ITGA4: variants seen among roughly 807,000 people sequenced by gnomAD.
ITGA4 encodes integrin alpha-4.
Under a neutral mutation model 133.6 loss-of-function variants are expected in ITGA4, and 63 were observed. That is an observed-to-expected ratio of 0.47 (90% CI 0.38 to 0.58). ITGA4 has a LOEUF of 0.58. Ranked by LOEUF, ITGA4 falls within the 20% of genes least tolerant of loss-of-function variation. The pLI is 0.00. For missense variants in ITGA4, 1,076 were observed against 1,252.7 expected (o/e 0.86, Z 2.13); for synonymous variants, 483 against 438.0 (o/e 1.10, Z -1.28).
intron 22 of ITGA4, among the ~76,000 whole-genome samples, chr2:181,529,247 T>C (rs567660361): frequency 2.3e-5 from 3 of 133,254 alleles, no homozygotes; most frequent in East Asian, 2.6e-4. Context: ...CAAATATATA[T>C]TGTTTATGTC....
Position 181,523,199 on chromosome 2 carries a change from TACAC to T in ITGA4, c.2074-232_2074-229del, listed in dbSNP as rs1023998876. On this transcript the variant is annotated intron_variant, in intron 18 of 27. Transcript: ENST00000397033. The surrounding 1 kb of genome is among the most constrained non-coding windows in gnomAD (Gnocchi z 4.2). ...ACACACATACACATACACATATATA[TACAC>T]ACACATATATACACACATATATACA... 124 of 323,140 alleles carry T rather than the reference TACAC, an allele frequency of 3.8e-4. No individual in the cohort carries two copies. Among genetic ancestry groups the T allele is most frequent in the Middle Eastern group, 3.0e-3 (3 of 1,016 alleles). 20.0% of individuals were successfully genotyped at this position (323,140 alleles called of 1,614,324 possible).
chr2:181,482,122 C>A (rs886695096), intron 7 of ITGA4, among the ~76,000 whole-genome samples: 17 of 152,266 alleles, frequency 1.1e-4, no homozygotes, highest in Middle Eastern at 6.8e-3. Flanking sequence ...AACAACACTT[C>A]CGGTGCCCCC....
chr2:181,477,179 T>C (rs188398817), intron 4 of ITGA4, among the ~76,000 whole-genome samples: 125 of 152,076 alleles, frequency 8.2e-4, no homozygotes, highest in Non-Finnish European at 7.8e-4. Flanking sequence ...AAGAATGAAA[T>C]TGAACGCTTA....
intron 20 of ITGA4, 128 bp downstream of exon 20, chr2:181,524,378 T>G (rs1169784485): frequency 3.6e-6 from 2 of 550,138 alleles, no homozygotes; most frequent in African/African-American, 4.0e-5. Context: ...GGTATGCTTT[T>G]AAAAGAACCA....
At chr2:181,481,569 A>G (rs1463708787) in intron 6 of ITGA4, 29 bp from the exon 7 acceptor site, 2 of 1,241,100 alleles carry the variant, frequency 1.6e-6, no homozygotes, top group African/African-American at 1.5e-5. Context: ...TTTACCCAGG[A>G]CTCTCATACT....
rs953470949 is a variant in ITGA4, at chr2:181,495,637, T to C, written c.1386-146T>C. The stretch of plus-strand genomic sequence containing the variant: ...ATTTAAATAAAAAGTTATTTTGCCC[T>C]GTGCACAGAAATGTAATTAGTATGT... On this transcript the variant is annotated intron_variant, in intron 13 of 27. Coordinates refer to ENST00000397033, the MANE Select transcript of ITGA4 (RefSeq NM_000885.6). This position sits in a 1 kb window ranked among gnomAD's most constrained non-coding sequence, Gnocchi z 4.3. 20 of 721,204 alleles carry C rather than the reference T, an allele frequency of 2.8e-5. No homozygotes were observed. The highest frequency in any genetic ancestry group is 4.5e-5 in the Non-Finnish European group (20 of 439,968). The allele number at this position is 721,204 out of a possible 1,614,324, so 44.7% of individuals were successfully genotyped here.
chr2:181,457,841 GC>G lies in ITGA4; in HGVS notation c.188del (p.Ala63GlyfsTer6). 6.2e-7 allele frequency: 1 copy of G among 1,612,094 alleles called. No individual in the cohort carries two copies. Among genetic ancestry groups the G allele is most frequent in the Non-Finnish European group, 8.5e-7 (1 of 1,179,088 alleles). On this transcript the variant is annotated frameshift_variant, in exon 1 of 28. Transcript: ENST00000397033. LOFTEE classifies it high-confidence loss of function. ...GYSVVLHSHG[A>X]NRWLLVGAPT... is the part of the protein sequence containing the mutation. ...CTCGGTCGTGCTGCACAGCCACGGGGCGAACCGATGGTGAGTAGAGTTGGAC... is the reference window on the plus strand; with the variant it reads ...CTCGGTCGTGCTGCACAGCCACGGGGGAACCGATGGTGAGTAGAGTTGGAC...
intron 17 of ITGA4, among the ~76,000 whole-genome samples, chr2:181,512,121 A>G (rs1686518856): frequency 2.0e-5 from 3 of 152,134 alleles, no homozygotes. Flanking sequence ...TTATTTTATA[A>G]TGGCAAATAA....
intron 9 of ITGA4, among the ~76,000 whole-genome samples, chr2:181,483,340 A>ACG (rs1443961407): frequency 4.9e-4 from 74 of 152,320 alleles, no homozygotes; most frequent in Non-Finnish European, 9.8e-4. Context: ...TTAAGTCAAA[A>ACG]CAAAAAATTG....
At chr2:181,465,435 A>G (rs1030737964) in intron 2 of ITGA4, among the ~76,000 whole-genome samples, 1 of 151,746 alleles carries the variant, frequency 6.6e-6, no homozygotes, top group Non-Finnish European at 1.5e-5. Context: ...TTCTTTTTCA[A>G]CCATCCTACC....
intron 11 of ITGA4, 59 bp downstream of exon 11, chr2:181,493,478 T>G: frequency 9.8e-7 from 1 of 1,015,610 alleles, no homozygotes; most frequent in Non-Finnish European, 1.5e-6. Flanking sequence ...CCTTAAAACT[T>G]CCAGGGTTTA....
chr2:181,481,394 T>C (rs1685800795), intron 6 of ITGA4, among the ~76,000 whole-genome samples: 1 of 152,214 alleles, frequency 6.6e-6, no homozygotes, highest in African/African-American at 2.4e-5. Context: ...ATACATACCA[T>C]ATGACTGCAG....
intron 10 of ITGA4, among the ~76,000 whole-genome samples, chr2:181,488,011 T>C (rs537005491): frequency 6.6e-4 from 101 of 152,366 alleles, no homozygotes; most frequent in African/African-American, 2.3e-3. Context: ...CTTGTTTTAA[T>C]TGACACATTT....
At position 181,474,963 on chromosome 2, in the gene ITGA4, G is replaced by A. The variant is rs189570672; in HGVS notation, c.323G>A (p.Ser108Asn). ...AAATTATTTTCACATGCTATAGGTAGCCCTAATGGAGAACCTTGTGGAAAG... is the reference window on the plus strand; with the variant it reads ...AAATTATTTTCACATGCTATAGGTAACCCTAATGGAGAACCTTGTGGAAAG... The part of the protein sequence containing the change: ...GQTCEQLQLG[S>N]PNGEPCGKTC... Residue 108 changes from serine to asparagine, a missense_variant, in exon 3 of 28, where the codon AGC (serine) becomes AAC (asparagine). Ser to Asn is a conservative substitution (Grantham distance 46). Around this residue, in one of 4 missense-constraint regions of ITGA4, gnomAD observed 436 missense variants for 590.7 expected, o/e 0.74. Coordinates refer to ENST00000397033, the MANE Select transcript of ITGA4 (RefSeq NM_000885.6). 2.1e-5 allele frequency: 34 copies of A among 1,610,022 alleles called. No homozygotes were observed. The Middle Eastern group carries it at 5.0e-4, about 23-fold the overall frequency.
At chr2:181,522,372 C>T (rs753056116) in intron 18 of ITGA4, 31 bp downstream of exon 18, 17 of 1,465,422 alleles carry the variant, frequency 1.2e-5, no homozygotes, top group Non-Finnish European at 1.6e-5. Context: ...TAGCATGATA[C>T]TACTTGGTAT....
chr2:181,518,085 C>T (rs190963702), intron 17 of ITGA4, among the ~76,000 whole-genome samples: 1 of 151,912 alleles, frequency 6.6e-6, no homozygotes, highest in South Asian at 2.1e-4. Flanking sequence ...CAGCCATGTT[C>T]CCACACACTT....
chr2:181,477,544 G>A (rs1211551716), intron 4 of ITGA4, among the ~76,000 whole-genome samples: 1 of 152,032 alleles, frequency 6.6e-6, no homozygotes, highest in African/African-American at 2.4e-5. Flanking sequence ...AGACCAAATG[G>A]CTTTCTTTCC....
intron 7 of ITGA4, 140 bp downstream of exon 7, chr2:181,481,823 T>A: frequency 2.6e-6 from 1 of 385,978 alleles, no homozygotes; most frequent in Non-Finnish European, 4.7e-6. Context: ...TTAGTGGAAT[T>A]GGTGAAAGAT....
Position 181,536,833 on chromosome 2 carries a change from ACT to A in ITGA4, c.*1309_*1310del, listed in dbSNP as rs1375678740. 8.0e-6 allele frequency: 3 copies of A among 373,818 alleles called. No homozygotes were observed. The highest frequency in any genetic ancestry group is 1.6e-5 in the Non-Finnish European group (3 of 187,062). The allele number at this position is 373,818 out of a possible 1,614,324, so 23.2% of individuals were successfully genotyped here. A position where few individuals can be genotyped will look rare whatever the true frequency, so the allele number is the denominator to read the frequency against. ...TAATTGCAGAATATCATTTTATCTGACTCTGCCTTCATAAGAGAGCTGTGGCC... is the reference window on the plus strand; with the variant it reads ...TAATTGCAGAATATCATTTTATCTGACTGCCTTCATAAGAGAGCTGTGGCC... On this transcript the variant is annotated 3_prime_UTR_variant, in exon 28 of 28. Transcript: ENST00000397033.
Sources: allele counts gnomAD v4.1 joint callset (sites outside exome capture counted in the v4.1 genomes callset), GRCh38; gene constraint gnomAD v4.1.1; regional missense constraint gnomAD v4.1.1; non-coding constraint Gnocchi (gnomAD v3.1); transcripts MANE v1.5; gene names NCBI Gene and HGNC (gene_info 2026-07-23, HGNC 2026-07-21).